The following TRIM63 variants were observed in gnomAD, a reference collection of about 807,000 sequenced individuals.
TRIM63 encodes tripartite motif containing 63, also known as E3 ubiquitin-protein ligase TRIM63.
In TRIM63, 48 loss-of-function variants were observed where a neutral mutation model predicts 46.0. The ratio of observed to expected loss-of-function variants is 1.04; its 90% confidence interval spans 0.83 to 1.33. TRIM63 has a LOEUF of 1.33. Ranked by LOEUF, TRIM63 falls within the 40% of genes most tolerant of loss-of-function variation. TRIM63 has a pLI of 0.00. For synonymous variants in TRIM63, 175 were observed against 162.8 expected, an observed-to-expected ratio of 1.08 and a Z score of -0.57; for missense variants, 455 against 441.2, an observed-to-expected ratio of 1.03 and a Z score of -0.28.
At position 26,061,251 on chromosome 1, in the gene TRIM63, A is replaced by T. The variant is rs577941629; in HGVS notation, c.416T>A (p.Val139Glu). Reference sequence around the variant, plus strand: ...CACCTTGCACATGGAGCAGGTGGGCACCTCACACGTGAGACAGTAGATGTT... The same window carrying T: ...CACCTTGCACATGGAGCAGGTGGGCTCCTCACACGTGAGACAGTAGATGTT... ...KINIYCLTCE[V>E]PTCSMCKVFG... The change falls in exon 3 of 9, where the codon GTG becomes GAG. Residue 139 changes from valine (V) to glutamate (E), a missense_variant. Transcript: ENST00000374272. 1.9e-6 allele frequency: 3 copies of T among 1,614,174 alleles called. No homozygotes were observed. The South Asian group carries it at 3.3e-5, about 18-fold the overall frequency.
intron 8 of TRIM63, among the ~76,000 whole-genome samples, chr1:26,053,360 C>G (rs1413743366): frequency 6.6e-6 from 1 of 152,244 alleles, no homozygotes; most frequent in East Asian, 1.9e-4. Context: ...TCAAGCGATT[C>G]TCCTGCCTCA....
chr1:26,057,256 G>T lies in TRIM63; in HGVS notation c.926C>A (p.Thr309Asn). 1 of 1,614,194 alleles carries T rather than the reference G, an allele frequency of 6.2e-7. No individual in the cohort carries two copies. The highest frequency in any genetic ancestry group is 8.5e-7 in the Non-Finnish European group (1 of 1,180,036). ...GTCTGCTATGTGCTCTAAATCCAAA[G>T]TAAAGAAGTCCATGTTCTCAAAGCC... Reference protein sequence around the residue: ...EQGFENMDFFTLDLEHIADAL... With the variant: ...EQGFENMDFFNLDLEHIADAL... Residue 309 changes from threonine (T) to asparagine (N), a missense_variant, in exon 7 of 9, where the codon ACT (threonine) becomes AAT (asparagine). By Grantham distance (65) the Thr-to-Asn change is moderately conservative. Transcript: ENST00000374272.
intron 8 of TRIM63, among the ~76,000 whole-genome samples, chr1:26,053,377 T>C (rs2050539504): frequency 6.6e-6 from 1 of 152,172 alleles, no homozygotes; most frequent in Non-Finnish European, 1.5e-5. Context: ...CTCAGCCTCC[T>C]AAGTAGCTGG....
In TRIM63 at chr1:26,057,627, C is replaced by T. The variant is rs747458389; in HGVS notation, c.854+1G>A. On this transcript the variant is annotated splice_donor_variant, in intron 6 of 8. Transcript: ENST00000374272. LOFTEE classifies it high-confidence loss of function. ...ATCATAGCCTCTAGGAAGACACTGA[C>T]CTTTTGATGAGTTGCTTGGCAGTCT... 1 of 1,610,408 alleles carries T rather than the reference C, an allele frequency of 6.2e-7. No homozygotes were observed. The highest frequency in any genetic ancestry group is 8.5e-7 in the Non-Finnish European group (1 of 1,178,348).
intron 7 of TRIM63, among the ~76,000 whole-genome samples, chr1:26,056,097 T>C (rs372484153): frequency 1.1e-4 from 16 of 152,178 alleles, no homozygotes; most frequent in East Asian, 5.8e-4. Context: ...CAGCTGGTCA[T>C]TGGAGCACCA....
chr1:26,067,498 G>A lies in TRIM63; in HGVS notation c.-4C>T. Reference sequence around the variant, plus strand: ...TCAGGCTCGACTTATAATCCATTCTGTGGGAAGGAATGAGAGCCACGCCTA... The same window carrying A: ...TCAGGCTCGACTTATAATCCATTCTATGGGAAGGAATGAGAGCCACGCCTA... On this transcript the variant is annotated 5_prime_UTR_variant, in exon 1 of 9. Transcript: ENST00000374272. 6.2e-7 allele frequency: 1 copy of A among 1,613,880 alleles called. No individual in the cohort carries two copies. Among genetic ancestry groups the A allele is most frequent in the Non-Finnish European group, 8.5e-7 (1 of 1,179,992 alleles).
chr1:26,067,050 A>T (rs2050685099), intron 1 of TRIM63, among the ~76,000 whole-genome samples: 1 of 151,748 alleles, frequency 6.6e-6, no homozygotes, highest in African/African-American at 2.4e-5. Flanking sequence ...CCCGCTTATC[A>T]CTTGAGGCAT....
intron 7 of TRIM63, among the ~76,000 whole-genome samples, chr1:26,055,038 G>A (rs2124436114): frequency 6.6e-6 from 1 of 151,972 alleles, no homozygotes; most frequent in South Asian, 2.1e-4. Flanking sequence ...TGATATCAGA[G>A]TATAACCCAG....
intron 2 of TRIM63, 48 bp downstream of exon 2, chr1:26,066,220 A>T: frequency 6.2e-7 from 1 of 1,607,004 alleles, no homozygotes; most frequent in African/African-American, 1.3e-5. Context: ...ATCTAGGCAC[A>T]GCATGGCTGG....
At chr1:26,063,281 T>C (rs1019415591) in intron 2 of TRIM63, among the ~76,000 whole-genome samples, 1 of 152,074 alleles carries the variant, frequency 6.6e-6, no homozygotes, top group Non-Finnish European at 1.5e-5. Flanking sequence ...ATACACTCAT[T>C]GAAAGCCAAC....
intron 2 of TRIM63, 47 bp from the exon 3 acceptor site, chr1:26,061,381 A>G (rs377496521): frequency 1.9e-6 from 3 of 1,594,590 alleles, no homozygotes; most frequent in African/African-American, 1.3e-5. Context: ...GTGTCCCTGC[A>G]TCCCCCTCCC....
At chr1:26,061,028 T>C (rs1161232573) in intron 3 of TRIM63, 138 bp downstream of exon 3, 1 of 978,428 alleles carries the variant, frequency 1.0e-6, no homozygotes, top group Non-Finnish European at 1.5e-6. Context: ...GCTGTCCCTG[T>C]GGCCTGGGAA....
At chr1:26,060,945 C>T (rs2050618463) in intron 3 of TRIM63, among the ~76,000 whole-genome samples, 1 of 152,166 alleles carries the variant, frequency 6.6e-6, no homozygotes, top group Admixed American at 6.5e-5. Flanking sequence ...CCCCTGTGGC[C>T]ACACCCAGGT....
intron 4 of TRIM63, among the ~76,000 whole-genome samples, chr1:26,059,352 T>G (rs924565566): frequency 6.6e-6 from 1 of 152,092 alleles, no homozygotes; most frequent in African/African-American, 2.4e-5. Context: ...GTTTCCCTTT[T>G]AGCTGTGTGA....
At chr1:26,065,845 A>G (rs1354451489) in intron 2 of TRIM63, among the ~76,000 whole-genome samples, 3 of 152,180 alleles carry the variant, frequency 2.0e-5, no homozygotes, top group African/African-American at 7.2e-5. Context: ...AGTTATTGGG[A>G]GGTACTTAGA....
intron 4 of TRIM63, 85 bp from the exon 5 acceptor site, chr1:26,058,708 A>G: frequency 9.3e-7 from 1 of 1,074,362 alleles, no homozygotes; most frequent in African/African-American, 1.6e-5. Flanking sequence ...GTAGCAAGGA[A>G]TCTAAAGCTA....
intron 2 of TRIM63, among the ~76,000 whole-genome samples, chr1:26,065,530 C>T (rs960499100): frequency 6.6e-6 from 1 of 152,168 alleles, no homozygotes; most frequent in African/African-American, 2.4e-5. Context: ...TTGTCTTGAA[C>T]TCCTGGCCTC....
intron 2 of TRIM63, among the ~76,000 whole-genome samples, chr1:26,061,685 G>A (rs922564348): frequency 2.0e-5 from 3 of 152,202 alleles, no homozygotes; most frequent in African/African-American, 7.2e-5. Context: ...TAGAGAAGAG[G>A]AAACTGGGCT....
Position 26,067,333 on chromosome 1 carries a change from T to G in TRIM63, c.159+3A>C. On this transcript the variant is annotated splice_donor_region_variant and intron_variant, in intron 1 of 8. Transcript: ENST00000374272. ...CCCAAATGAAGCTGCACCCGGCACTTACCTGGAAGATGTCATTGGCACACT... is the reference window on the plus strand; with the variant it reads ...CCCAAATGAAGCTGCACCCGGCACTGACCTGGAAGATGTCATTGGCACACT... 6.2e-7 allele frequency: 1 copy of G among 1,613,752 alleles called. No homozygotes were observed. The highest frequency in any genetic ancestry group is 8.5e-7 in the Non-Finnish European group (1 of 1,179,988).
Sources: allele counts gnomAD v4.1 joint callset (sites outside exome capture counted in the v4.1 genomes callset), GRCh38; gene constraint gnomAD v4.1.1; transcripts MANE v1.5; gene names NCBI Gene and HGNC (gene_info 2026-07-23, HGNC 2026-07-21).